Variants in LY96 observed in about 807,000 individuals in gnomAD.
LY96 encodes the protein lymphocyte antigen 96.
LY96 carries 18 observed loss-of-function variants against 18.9 expected under a neutral mutation model. The observed-to-expected ratio is 0.95, with a 90% CI of 0.66 to 1.41. The LOEUF (loss-of-function observed/expected upper bound fraction) is 1.41. LY96 is among the 40% of genes most tolerant of loss of function. LY96 has a pLI of 0.00. For synonymous variants in LY96, 66 were observed against 62.6 expected, an observed-to-expected ratio of 1.06 and a Z score of -0.26; for missense variants, 175 against 182.4, an observed-to-expected ratio of 0.96 and a Z score of 0.23.
chr8:74,044,955 A>T, the LY96 span, among the ~76,000 whole-genome samples: 1 of 152,230 alleles, frequency 6.6e-6, no homozygotes, highest in African/African-American at 2.4e-5. Flanking sequence ...TTTTTGACTC[A>T]CATTATACAA....
the LY96 span, among the ~76,000 whole-genome samples, chr8:74,096,008 C>T: frequency 6.6e-6 from 1 of 152,334 alleles, no homozygotes; most frequent in African/African-American, 2.4e-5. Flanking sequence ...AGGACAGCTT[C>T]ATGTGTTTAA....
At chr8:74,008,226 A>C (rs1249827100) in intron 2 of LY96, among the ~76,000 whole-genome samples, 1 of 152,222 alleles carries the variant, frequency 6.6e-6, no homozygotes, top group Non-Finnish European at 1.5e-5. Flanking sequence ...TCAAAGCAGG[A>C]CTTCCTTTCC....
chr8:73,997,590 G>A (rs891931617), intron 1 of LY96, among the ~76,000 whole-genome samples: 2 of 152,088 alleles, frequency 1.3e-5, no homozygotes, highest in Non-Finnish European at 2.9e-5. Flanking sequence ...GCAATACTAA[G>A]ACTACCTAGA....
chr8:74,097,757 T>C, the LY96 span, among the ~76,000 whole-genome samples: 2 of 151,940 alleles, frequency 1.3e-5, no homozygotes, highest in Non-Finnish European at 2.9e-5. Flanking sequence ...GATAAATAAA[T>C]AAACAATGTA....
At chr8:74,097,817 A>C in the LY96 span, among the ~76,000 whole-genome samples, 6 of 152,222 alleles carry the variant, frequency 3.9e-5, no homozygotes. Context: ...CATCATCAAC[A>C]ATACCTAGGG....
the LY96 span, among the ~76,000 whole-genome samples, chr8:74,070,281 T>C: frequency 2.0e-5 from 3 of 152,004 alleles, no homozygotes; most frequent in Admixed American, 6.5e-5. Context: ...TTAGGAGAGA[T>C]GGGGTTTCAC....
At chr8:74,038,815 C>T in the LY96 span, among the ~76,000 whole-genome samples, 3 of 152,234 alleles carry the variant, frequency 2.0e-5, no homozygotes, top group Non-Finnish European at 2.9e-5. Flanking sequence ...AATAGTGCTG[C>T]AATAAACATG....
chr8:74,089,714 A>G, the LY96 span, among the ~76,000 whole-genome samples: 1 of 122,946 alleles, frequency 8.1e-6, no homozygotes, highest in African/African-American at 3.1e-5. Flanking sequence ...GCCTGCAGAT[A>G]GTAGGTCGGA....
At chr8:74,070,037 T>C in the LY96 span, among the ~76,000 whole-genome samples, 47 of 152,366 alleles carry the variant, frequency 3.1e-4, no homozygotes, top group South Asian at 8.5e-3. Flanking sequence ...CTCTCCTGAA[T>C]ATATTTCATA....
the LY96 span, among the ~76,000 whole-genome samples, chr8:74,060,320 T>C: frequency 6.6e-6 from 1 of 152,204 alleles, no homozygotes; most frequent in Non-Finnish European, 1.5e-5. Context: ...ATTTTATAAA[T>C]CAATTAGCAA....
the LY96 span, among the ~76,000 whole-genome samples, chr8:74,068,302 T>C: frequency 6.6e-6 from 1 of 151,984 alleles, no homozygotes; most frequent in African/African-American, 2.4e-5. Context: ...ATGTTGTATG[T>C]ATTGGGAGTT....
At chr8:74,077,445 C>T in the LY96 span, among the ~76,000 whole-genome samples, 5 of 152,046 alleles carry the variant, frequency 3.3e-5, no homozygotes, top group Admixed American at 6.6e-5. Context: ...TGTAAGATAC[C>T]GTCCTTTGTG....
chr8:74,081,083 TTCTC>T, the LY96 span, among the ~76,000 whole-genome samples: 605 of 114,548 alleles, frequency 5.3e-3, 14 homozygotes, highest in African/African-American at 0.018. Flanking sequence ...TTTCTTCTCT[TTCTC>T]TCTTTCTTTC....
intron 2 of LY96, 119 bp downstream of exon 2, chr8:74,005,004 C>A: frequency 9.3e-7 from 1 of 1,069,970 alleles, no homozygotes; most frequent in Non-Finnish European, 1.4e-6. Context: ...CAAATTACCA[C>A]GATCTTTGTG....
the LY96 span, among the ~76,000 whole-genome samples, chr8:74,041,865 A>C: frequency 6.6e-6 from 1 of 152,202 alleles, no homozygotes; most frequent in Admixed American, 6.5e-5. Flanking sequence ...CCTCAGAAGC[A>C]TGTGATCTTT....
intron 1 of LY96, among the ~76,000 whole-genome samples, chr8:73,992,836 C>CTGTGTGTGTGTGTGTGTGTG (rs34327741): frequency 1.9e-4 from 27 of 141,880 alleles, no homozygotes; most frequent in East Asian, 8.3e-4. Context: ...AATTATGCCA[C>CTGTGTGTGTGTGTGTGTGTG]TGTGTGTGTG....
chr8:74,056,540 G>A, the LY96 span: 1,352 of 160,856 alleles, frequency 8.4e-3, 77 homozygotes, highest in Admixed American at 0.075. Context: ...AGAAAACTCA[G>A]GGAGCTTCAC....
chr8:74,081,066 TACTTTCTTTCTTCTCTTTCTC>T, the LY96 span, among the ~76,000 whole-genome samples: 538 of 119,558 alleles, frequency 4.5e-3, 11 homozygotes, highest in African/African-American at 0.02. Context: ...CTTTCTTTCT[TACTTTCTTTCTTCTCTTTCTC>T]TCTTTCTTTC....
intron 1 of LY96, among the ~76,000 whole-genome samples, chr8:73,995,250 T>C (rs535985993): frequency 6.6e-6 from 1 of 152,226 alleles, no homozygotes; most frequent in Non-Finnish European, 1.5e-5. Flanking sequence ...CTGTGAGAAA[T>C]AAATTTCTGT....
Sources: allele counts gnomAD v4.1 joint callset (sites outside exome capture counted in the v4.1 genomes callset), GRCh38; gene constraint gnomAD v4.1.1; transcripts MANE v1.5; gene names NCBI Gene and HGNC (gene_info 2026-07-23, HGNC 2026-07-21).